Variants in KALRN observed in about 807,000 individuals in gnomAD.
The protein encoded by KALRN is kalirin.
Under a neutral mutation model 353.7 loss-of-function variants are expected in KALRN, and 70 were observed. The ratio of observed to expected loss-of-function variants is 0.20; its 90% CI spans 0.16 to 0.24. The LOEUF (loss-of-function observed/expected upper bound fraction) is 0.24. KALRN is among the 10% of genes least tolerant of loss of function. The pLI is 1.00. For missense variants in KALRN, 2,791 were observed against 3,756.7 expected (o/e 0.74, Z 6.72); for synonymous variants, 1,391 against 1,434.8 (o/e 0.97, Z 0.69).
At chr3:124,584,297 G>C (rs2074902091) in intron 34 of KALRN, among the ~76,000 whole-genome samples, 1 of 152,188 alleles carries the variant, frequency 6.6e-6, no homozygotes. Flanking sequence ...TCAATACAGA[G>C]GAGGCTGTGG....
At chr3:124,337,571 C>T (rs1448311710) in intron 9 of KALRN, among the ~76,000 whole-genome samples, 1 of 152,142 alleles carries the variant, frequency 6.6e-6, no homozygotes, top group Non-Finnish European at 1.5e-5. Flanking sequence ...ATTTTTGCGT[C>T]AATGTTCATC....
intron 1 of KALRN, among the ~76,000 whole-genome samples, chr3:124,079,103 G>A (rs1401101113): frequency 6.6e-6 from 1 of 152,212 alleles, no homozygotes; most frequent in African/African-American, 2.4e-5. Flanking sequence ...AGAGGCTGGG[G>A]TGTTTTTCTG....
chr3:124,308,566 T>C (rs1407651293), intron 6 of KALRN, among the ~76,000 whole-genome samples: 1 of 151,894 alleles, frequency 6.6e-6, no homozygotes, highest in African/African-American at 2.4e-5. Flanking sequence ...TTCCTGAATA[T>C]CCAATAGCTA....
chr3:124,491,155 C>T (rs1407202232), intron 30 of KALRN, among the ~76,000 whole-genome samples, 168 bp from the exon 31 acceptor site: 1 of 152,124 alleles, frequency 6.6e-6, no homozygotes. Context: ...GCCTGTAGGT[C>T]CTTTCATCCT....
chr3:124,575,491 T>C (rs965438062), intron 34 of KALRN, among the ~76,000 whole-genome samples: 2 of 152,200 alleles, frequency 1.3e-5, no homozygotes, highest in African/African-American at 4.8e-5. Flanking sequence ...TATGTATTCA[T>C]TTCCTGTTGC....
rs905738668 is a variant in KALRN, at chr3:124,080,254, CT to C, written c.73+46449del. On this transcript the variant is annotated intron_variant, in intron 1 of 59. Coordinates refer to ENST00000682506, the MANE Select transcript of KALRN (RefSeq NM_001388419.1). ...TTGTATCCTTTCCCACACTGTAAAA[CT>C]TTTTTTTAAAAAGCTAAAAGCAAGG... 5.9e-5 allele frequency among the ~76,000 whole-genome samples: 9 copies of C among 152,150 alleles called. No individual in the cohort carries two copies. The East Asian group carries it at 1.7e-3, about 29-fold the overall frequency.
chr3:124,366,049 T>A (rs1361778764), intron 10 of KALRN, among the ~76,000 whole-genome samples: 3 of 149,598 alleles, frequency 2.0e-5, no homozygotes, highest in Admixed American at 1.3e-4. Flanking sequence ...TTTTAGTGAG[T>A]TTTTTTTGCA....
chr3:124,407,362 T>A (rs552699712), intron 13 of KALRN, among the ~76,000 whole-genome samples: 1 of 152,130 alleles, frequency 6.6e-6, no homozygotes, highest in East Asian at 1.9e-4. Context: ...CAGTTAAACA[T>A]CCCTTCTTAT....
intron 1 of KALRN, among the ~76,000 whole-genome samples, chr3:124,058,472 A>G (rs1206469274): frequency 6.6e-6 from 1 of 152,114 alleles, no homozygotes; most frequent in East Asian, 1.9e-4. Flanking sequence ...ATACCCATTT[A>G]TCTTTGTGCT....
At chr3:124,593,284 T>C (rs771795458) in intron 34 of KALRN, among the ~76,000 whole-genome samples, 6 of 152,216 alleles carry the variant, frequency 3.9e-5, no homozygotes, top group Non-Finnish European at 5.9e-5. Flanking sequence ...GTGCTCCTTC[T>C]CTTCTTTGTC....
At position 124,490,759 on chromosome 3, in the gene KALRN, C is replaced by G. The variant is rs1255270266; in HGVS notation, c.4462C>G (p.Pro1488Ala). The change falls in exon 30 of 60, where the codon CCG (proline) becomes GCG (alanine). Residue 1488 changes from proline to alanine, a missense_variant. Transcript: ENST00000682506. ...CCAGGATGCCTTTCAAGTGTGGGAC[C>G]CGAAGTCGCTGATCCGGAAGGGGCG... ...ILQDAFQVWD[P>A]KSLIRKGRER... The G allele has an allele frequency of 6.2e-7, 1 of 1,613,836 alleles. No individual in the cohort carries two copies. The highest frequency in any genetic ancestry group is 8.5e-7 in the Non-Finnish European group (1 of 1,179,850).
intron 1 of KALRN, among the ~76,000 whole-genome samples, chr3:124,095,497 C>G (rs1306539677): frequency 6.6e-6 from 1 of 152,182 alleles, no homozygotes; most frequent in East Asian, 1.9e-4. Flanking sequence ...CTGAGTTCCT[C>G]CCTATGCACC....
intron 1 of KALRN, among the ~76,000 whole-genome samples, chr3:124,121,210 C>A (rs1211259290): frequency 6.6e-6 from 1 of 151,368 alleles, no homozygotes; most frequent in Non-Finnish European, 1.5e-5. Flanking sequence ...GTGAAAGATG[C>A]AGGAGTATAA....
At chr3:124,318,379 C>T (rs1394676047) in intron 6 of KALRN, among the ~76,000 whole-genome samples, 1 of 152,202 alleles carries the variant, frequency 6.6e-6, no homozygotes, top group Non-Finnish European at 1.5e-5. Context: ...GAGCTCATCA[C>T]ATCTCATAGC....
chr3:124,416,005 T>C (rs190245052), intron 14 of KALRN, among the ~76,000 whole-genome samples: 1 of 152,364 alleles, frequency 6.6e-6, no homozygotes, highest in Non-Finnish European at 1.5e-5. Flanking sequence ...TTGGGAATCT[T>C]ACCTGGACTC....
chr3:124,623,427 C>CACACACACACACACACAA (rs139583497), intron 34 of KALRN, among the ~76,000 whole-genome samples: 1 of 147,016 alleles, frequency 6.8e-6, no homozygotes, highest in African/African-American at 2.5e-5. Flanking sequence ...CACACACACA[C>CACACACACACACACACAA]AAAAGGGAGT....
chr3:124,277,547 C>T (rs193149716), intron 5 of KALRN, among the ~76,000 whole-genome samples: 16 of 152,286 alleles, frequency 1.1e-4, no homozygotes, highest in South Asian at 1.0e-3. Flanking sequence ...TCTAAGTCAC[C>T]GTGTTCTACA....
At chr3:124,250,062 G>C (rs1034929257) in intron 3 of KALRN, among the ~76,000 whole-genome samples, 1 of 152,092 alleles carries the variant, frequency 6.6e-6, no homozygotes, top group African/African-American at 2.4e-5. Context: ...GCATGGCCTG[G>C]GGGGGGTGGC....
rs1576586219 is a variant in KALRN at position 124,398,567 on chromosome 3, A to C, written c.2172-130A>C. On this transcript the variant is annotated intron_variant, in intron 12 of 59. Transcript: ENST00000682506. Reference sequence around the variant, plus strand: ...CAGGCTCACAGCAGGAGTTTGATAAATGTCTGTTGATTGAATGACTCAACT... The same window carrying C: ...CAGGCTCACAGCAGGAGTTTGATAACTGTCTGTTGATTGAATGACTCAACT... The C allele has an allele frequency of 1.7e-5, 15 of 892,188 alleles. No individual in the cohort carries two copies. The East Asian group carries it at 3.4e-4, about 20-fold the overall frequency. 55.3% of individuals were successfully genotyped at this position (892,188 alleles called of 1,614,324 possible).
Sources: allele counts gnomAD v4.1 joint callset (sites outside exome capture counted in the v4.1 genomes callset), GRCh38; gene constraint gnomAD v4.1.1; transcripts MANE v1.5; gene names NCBI Gene and HGNC (gene_info 2026-07-23, HGNC 2026-07-21).